Variants in ITPA observed in about 807,000 individuals in gnomAD.
ITPA encodes the protein inosine triphosphatase.
In ITPA, 29 loss-of-function variants were observed where a neutral mutation model predicts 29.6. That is an observed-to-expected ratio of 0.98 (90% CI 0.73 to 1.34). The LOEUF (loss-of-function observed/expected upper bound fraction) is 1.34. Among genes scored for constraint, ITPA ranks in the 40% most tolerant of loss-of-function variants. The pLI, the probability that ITPA is intolerant of heterozygous loss-of-function variation, is 0.00. For synonymous variants in ITPA, 103 were observed against 99.3 expected (o/e 1.04, Z -0.22); for missense variants, 241 against 251.5 (o/e 0.96, Z 0.28).
intron 6 of ITPA, 99 bp from the exon 7 acceptor site, chr20:3,221,742 A>G (rs2067468766): frequency 8.7e-7 from 1 of 1,149,218 alleles, no homozygotes. Context: ...GTTGGGTCAA[A>G]TCAAATTCAC....
At chr20:3,220,288 C>A (rs1487801378) in intron 6 of ITPA, among the ~76,000 whole-genome samples, 2 of 151,936 alleles carry the variant, frequency 1.3e-5, no homozygotes, top group Non-Finnish European at 2.9e-5. Flanking sequence ...GAACTCCCGA[C>A]CTTAAGTGAT....
chr20:3,207,685 A>C (rs1200599865), upstream of ITPA, among the ~76,000 whole-genome samples: 1 of 151,298 alleles, frequency 6.6e-6, no homozygotes, highest in Non-Finnish European at 1.5e-5. Context: ...CAAGAGCAAG[A>C]CTCCATCTCA....
chr20:3,220,124 G>A (rs1484013666), intron 6 of ITPA, among the ~76,000 whole-genome samples: 1 of 150,076 alleles, frequency 6.7e-6, no homozygotes, highest in African/African-American at 2.5e-5. Flanking sequence ...ACCCCCTACT[G>A]CCTATCACTG....
At chr20:3,210,626 A>G (rs2122286203) in intron 1 of ITPA, among the ~76,000 whole-genome samples, 1 of 152,222 alleles carries the variant, frequency 6.6e-6, no homozygotes, top group African/African-American at 2.4e-5. Flanking sequence ...CAGGAACCAG[A>G]GCCTTTTGCC....
intron 1 of ITPA, among the ~76,000 whole-genome samples, chr20:3,212,441 C>A (rs1213576389): frequency 6.6e-6 from 1 of 152,072 alleles, no homozygotes; most frequent in Non-Finnish European, 1.5e-5. Context: ...CTGCCCCAGC[C>A]TCTTGAGTAG....
chr20:3,207,620 G>A (rs1224469999), upstream of ITPA, among the ~76,000 whole-genome samples: 1 of 151,830 alleles, frequency 6.6e-6, no homozygotes, highest in African/African-American at 2.4e-5. Flanking sequence ...CTTGAACCCG[G>A]GAGTCGGAGG....
chr20:3,221,143 C>T (rs1490339588), intron 6 of ITPA, among the ~76,000 whole-genome samples: 1 of 152,032 alleles, frequency 6.6e-6, no homozygotes, highest in East Asian at 1.9e-4. Context: ...CTTCCCACCT[C>T]AGCCTCCCAA....
At chr20:3,205,669 C>T (rs1414263212), upstream of ITPA, among the ~76,000 whole-genome samples, 1 of 151,766 alleles carries the variant, frequency 6.6e-6, no homozygotes, top group African/African-American at 2.4e-5. Context: ...CCAGTGCACT[C>T]CAGCCTGGGT....
rs111896029 is a variant in ITPA at position 3,219,619 on chromosome 20, C to T, written c.411+987C>T. ...AAATATCTGGGCATGGTGGCAGGCA[C>T]CTGTAATCCCAGCTACTGGGGAGGC... On this transcript the variant is annotated intron_variant, in intron 6 of 7. Transcript: ENST00000380113. 3.0e-4 allele frequency among the ~76,000 whole-genome samples: 45 copies of T among 151,822 alleles called. 1 individual carries two copies. Among genetic ancestry groups the T allele is most frequent in the African/African-American group, 1.0e-3 (43 of 41,398 alleles).
In ITPA at chr20:3,217,715, C is replaced by T. The variant is rs529160005; in HGVS notation, c.296-802C>T. The stretch of plus-strand genomic sequence containing the variant: ...AACTCCTGAGCTCAAGCAACCCACC[C>T]GCCTTGGCCTCCCAAAGTGTTGGGA... On this transcript the variant is annotated intron_variant, in intron 5 of 7. Coordinates refer to ENST00000380113, the MANE Select transcript of ITPA (RefSeq NM_033453.4). Among the ~76,000 whole-genome samples, 11 of 152,216 alleles carry T rather than the reference C, an allele frequency of 7.2e-5. 1 individual carries two copies. In the South Asian group the frequency reaches 2.3e-3, roughly 32 times the overall value.
intron 6 of ITPA, among the ~76,000 whole-genome samples, chr20:3,220,618 C>T (rs899411013): frequency 2.0e-5 from 3 of 151,804 alleles, no homozygotes; most frequent in African/African-American, 4.8e-5. Context: ...GCATGACTAC[C>T]GTTCATAGCA....
intron 6 of ITPA, chr20:3,218,909 C>T (rs931559952): frequency 7.9e-6 from 4 of 506,976 alleles, no homozygotes; most frequent in East Asian, 3.6e-5. Context: ...ATTCTGAAAC[C>T]TGTTTGACCC....
At chr20:3,218,869 C>T (rs1367228163) in intron 6 of ITPA, 8 of 584,902 alleles carry the variant, frequency 1.4e-5, no homozygotes, top group Non-Finnish European at 1.9e-5. Context: ...CTGAGGGGTG[C>T]CCCTGGGCAG....
In ITPA at chr20:3,209,745, G is replaced by A. The variant is rs999894136; in HGVS notation, c.66+128G>A. 12 of 745,700 alleles carry A rather than the reference G, an allele frequency of 1.6e-5. No homozygotes were observed. The highest frequency in any genetic ancestry group is 2.7e-4 in the Middle Eastern group (1 of 3,664). 46.2% of individuals were successfully genotyped at this position (745,700 alleles called of 1,614,324 possible). A position where few individuals can be genotyped will look rare whatever the true frequency, so the allele number is the denominator to read the frequency against. On this transcript the variant is annotated intron_variant, in intron 1 of 7. Transcript: ENST00000380113. The surrounding 1 kb of genome is among the most constrained non-coding windows in gnomAD (Gnocchi z 4.6). ...AACAGAATTCAGCCCGGAAGAATGGGTCCTGACCCGGCTGTGTGGAAAAGC... is the reference window on the plus strand; with the variant it reads ...AACAGAATTCAGCCCGGAAGAATGGATCCTGACCCGGCTGTGTGGAAAAGC...
At chr20:3,220,000 C>G (rs1424003926) in intron 6 of ITPA, among the ~76,000 whole-genome samples, 3 of 147,574 alleles carry the variant, frequency 2.0e-5, no homozygotes, top group Admixed American at 6.8e-5. Context: ...TATGATCGCA[C>G]TCCTGCACTC....
At chr20:3,215,872 GA>G (rs1286313896) in intron 5 of ITPA, among the ~76,000 whole-genome samples, 1 of 151,868 alleles carries the variant, frequency 6.6e-6, no homozygotes. Context: ...TTTTAGTAGA[GA>G]GGGGGTTTCA....
intron 5 of ITPA, among the ~76,000 whole-genome samples, chr20:3,215,919 C>T (rs1166335667): frequency 6.6e-6 from 1 of 152,144 alleles, no homozygotes; most frequent in African/African-American, 2.4e-5. Context: ...CACCTGACCT[C>T]AAGTGATCCG....
chr20:3,225,383 C>A (rs953102067), downstream of ITPA, among the ~76,000 whole-genome samples: 4 of 152,106 alleles, frequency 2.6e-5, no homozygotes, highest in Admixed American at 6.5e-5. Flanking sequence ...GTCTCCACCC[C>A]CCGCCACACC....
upstream of ITPA, among the ~76,000 whole-genome samples, chr20:3,206,354 C>A (rs2067070046): frequency 1.4e-5 from 2 of 142,552 alleles, no homozygotes; most frequent in Non-Finnish European, 3.0e-5. Context: ...CACTATTGCA[C>A]TCCAGCCTGG....
Sources: gnomAD v4.1 joint callset for allele counts (sites outside exome capture counted in the v4.1 genomes callset) on GRCh38, gnomAD v4.1.1 for gene constraint, Gnocchi (gnomAD v3.1) non-coding constraint, MANE v1.5 for transcripts, NCBI Gene and HGNC (gene_info 2026-07-23, HGNC 2026-07-21) for gene names.